CDKL5: variants seen among roughly 807,000 people sequenced by gnomAD.
CDKL5 encodes the protein cyclin-dependent kinase-like 5.
Under a neutral mutation model 61.7 loss-of-function variants are expected in CDKL5, and 8 were observed. That is an observed-to-expected ratio of 0.13 (90% confidence interval 0.08 to 0.23). The LOEUF (loss-of-function observed/expected upper bound fraction) is 0.23. Among genes scored for constraint, CDKL5 ranks in the 10% least tolerant of loss-of-function variants. The pLI, the probability that CDKL5 is intolerant of heterozygous loss-of-function variation, is 1.00. For synonymous variants in CDKL5, 275 were observed against 272.3 expected (o/e 1.01, Z -0.10); for missense variants, 440 against 734.5 (o/e 0.60, Z 4.63).
intron 9 of CDKL5, among the ~76,000 whole-genome samples, chrX:18,590,556 A>G (rs1370955494): frequency 8.9e-6 from 1 of 112,107 alleles, no homozygotes; most frequent in Non-Finnish European, 1.9e-5. Flanking sequence ...ATGAATGGAC[A>G]GAGGCATGCC....
At chrX:18,585,478 A>G (rs1471820950) in intron 8 of CDKL5, among the ~76,000 whole-genome samples, 1 of 112,137 alleles carries the variant, frequency 8.9e-6, no homozygotes, top group East Asian at 2.8e-4. Context: ...GTTTGATGAT[A>G]AATGGCTATT....
chrX:18,566,695 A>G (rs1339567766), intron 4 of CDKL5, among the ~76,000 whole-genome samples: 1 of 112,039 alleles, frequency 8.9e-6, no homozygotes, highest in African/African-American at 3.2e-5. Context: ...AATAACAATA[A>G]AACACAGTAG....
At chrX:18,644,988 A>G (rs1429890874), downstream of CDKL5, among the ~76,000 whole-genome samples, 1 of 112,034 alleles carries the variant, frequency 8.9e-6, no homozygotes, top group Non-Finnish European at 1.9e-5. Context: ...CCTCTGCTTG[A>G]GACTCCCAGG....
rs765261418 is a variant in CDKL5, at chrX:18,469,852, A to G, written c.-162-37083A>G. 2.7e-5 allele frequency among the ~76,000 whole-genome samples: 3 copies of G among 111,961 alleles called. No individual in the cohort carries two copies. The South Asian group carries it at 1.1e-3, about 41-fold the overall frequency. On this transcript the variant is annotated intron_variant, in intron 1 of 17. Transcript: ENST00000623535. ...CTTTAAAATTACCAATTTTTAGTCC[A>G]TTTGTCTTTTCTCTTAGCAAATCCC... is the stretch of plus-strand genomic sequence containing the variant.
intron 5 of CDKL5, among the ~76,000 whole-genome samples, chrX:18,578,551 A>G (rs1234082660): frequency 1.8e-5 from 2 of 112,448 alleles, no homozygotes; most frequent in Non-Finnish European, 3.8e-5. Flanking sequence ...CATATTAGTC[A>G]TGACTGAGCA....
chrX:18,586,795 G>A (rs1190684378), intron 8 of CDKL5, among the ~76,000 whole-genome samples: 2 of 111,553 alleles, frequency 1.8e-5, no homozygotes, highest in Non-Finnish European at 3.8e-5. Context: ...TTTTCCATAA[G>A]TTTCTCCATC....
intron 3 of CDKL5, among the ~76,000 whole-genome samples, chrX:18,558,792 T>TGCA (rs1183553093): frequency 8.9e-6 from 1 of 112,405 alleles, no homozygotes; most frequent in Non-Finnish European, 1.9e-5. Flanking sequence ...CCTACTAGCC[T>TGCA]GCATTAACAT....
intron 9 of CDKL5, chrX:18,589,464 A>G (rs1046831804): frequency 9.0e-6 from 1 of 111,516 alleles, no homozygotes; most frequent in Non-Finnish European, 1.9e-5. Flanking sequence ...TACAAAGGAC[A>G]TGAACTCATC....
intron 20 of CDKL5, chrX:18,647,387 C>A (rs1377937171): frequency 8.6e-7 from 1 of 1,166,246 alleles, no homozygotes; most frequent in African/African-American, 1.8e-5. Context: ...CAACAAGCAC[C>A]AGGTGACTGA....
chrX:18,646,741 G>A (rs1478380366), intron 20 of CDKL5, among the ~76,000 whole-genome samples: 1 of 110,833 alleles, frequency 9.0e-6, no homozygotes, highest in Non-Finnish European at 1.9e-5. Flanking sequence ...CAGGGCTTTT[G>A]CACCTGCTGT....
rs779361711 is a variant in CDKL5, at chrX:18,518,388, A to ATTTTTTTTTTTT, written c.99+7558_99+7569dup. 2.1e-3 allele frequency among the ~76,000 whole-genome samples: 44 copies of ATTTTTTTTTTTT among 21,169 alleles called. 7 individuals are homozygous for ATTTTTTTTTTTT. Among genetic ancestry groups the ATTTTTTTTTTTT allele is most frequent in the East Asian group, 6.2e-3 (3 of 484 alleles). The allele number at this position is 21,169 out of a possible 115,157, so 18.4% of individuals were successfully genotyped here. ...AAGTCATGTTTTCTTTTCTTTTCTT[A>ATTTTTTTTTTTT]TTTTTTTTTTTTTTTTTTTTTTTTT... is the stretch of plus-strand genomic sequence containing the variant. On this transcript the variant is annotated intron_variant, in intron 3 of 17. Transcript: ENST00000623535.
chrX:18,446,819 C>T (rs781757084), intron 1 of CDKL5, among the ~76,000 whole-genome samples: 1 of 111,847 alleles, frequency 8.9e-6, no homozygotes, highest in Non-Finnish European at 1.9e-5. Flanking sequence ...CTCCACTTCA[C>T]TGAGAACTTT....
At chrX:18,507,987 T>G (rs1262999533) in intron 2 of CDKL5, among the ~76,000 whole-genome samples, 1 of 111,410 alleles carries the variant, frequency 9.0e-6, no homozygotes, top group East Asian at 2.8e-4. Context: ...TACCATTGAT[T>G]TGATGAAATA....
intron 8 of CDKL5, among the ~76,000 whole-genome samples, chrX:18,585,593 A>G (rs1329090407): frequency 8.9e-6 from 1 of 111,956 alleles, no homozygotes; most frequent in Non-Finnish European, 1.9e-5. Flanking sequence ...TGTTAACACC[A>G]GAAAAAGGTC....
chrX:18,529,166 C>T (rs1923553204), intron 3 of CDKL5, among the ~76,000 whole-genome samples: 1 of 98,939 alleles, frequency 1.0e-5, no homozygotes. Context: ...GTTTTAGTGT[C>T]TATTATACTT....
chrX:18,643,837 T>C (rs1028371418), downstream of CDKL5, among the ~76,000 whole-genome samples: 3 of 110,585 alleles, frequency 2.7e-5, no homozygotes, highest in Non-Finnish European at 1.9e-5. Context: ...CAAATATATA[T>C]ATATATATAT....
intron 10 of CDKL5, among the ~76,000 whole-genome samples, chrX:18,598,172 G>C (rs1183347338): frequency 1.8e-5 from 2 of 111,096 alleles, no homozygotes; most frequent in Non-Finnish European, 3.8e-5. Flanking sequence ...TATTGTAAAA[G>C]TGATTTTGAT....
chrX:18,529,688 C>G (rs1354200322), intron 3 of CDKL5, among the ~76,000 whole-genome samples: 1 of 110,486 alleles, frequency 9.1e-6, no homozygotes. Flanking sequence ...TACTTTCTTA[C>G]TTGCATGGTT....
At chrX:18,625,347 A>G in intron 17 of CDKL5, 100 bp downstream of exon 17, 2 of 927,504 alleles carry the variant, frequency 2.2e-6, no homozygotes, top group Non-Finnish European at 3.1e-6. Context: ...TCTCAATGTT[A>G]CAGTAAGGCT....
Sources: gnomAD v4.1 joint callset for allele counts (sites outside exome capture counted in the v4.1 genomes callset) on GRCh38, gnomAD v4.1.1 for gene constraint, MANE v1.5 for transcripts, NCBI Gene and HGNC (gene_info 2026-07-23, HGNC 2026-07-21) for gene names.